Variants in GOLGB1 observed in about 807,000 individuals in gnomAD.
GOLGB1 encodes the protein golgin subfamily B member 1.
GOLGB1 carries 174 observed loss-of-function variants against 336.9 expected under a neutral mutation model. The ratio of observed to expected loss-of-function variants is 0.52; its 90% CI spans 0.46 to 0.59. The LOEUF is 0.59. GOLGB1 is among the 20% of genes least tolerant of loss of function. GOLGB1 has a pLI of 0.00. For missense variants in GOLGB1, 3,331 were observed against 3,645.3 expected, an observed-to-expected ratio of 0.91 and a Z score of 2.22; for synonymous variants, 1,208 against 1,289.2, an observed-to-expected ratio of 0.94 and a Z score of 1.35.
chr3:121,694,790 G>A lies in GOLGB1; in HGVS notation c.5733C>T (p.Ser1911=), dbSNP rs34833153. The A allele has an allele frequency of 0.07, 113,314 of 1,612,910 alleles. 4,524 individuals are homozygous for A. Among genetic ancestry groups the A allele is most frequent in the Middle Eastern group, 0.083 (503 of 6,062 alleles). ...LLNQQIQEEL[S]RVTKLKETAE... ...CTGTCTCCTTTAGTTTGGTAACTCT[G>A]GAGAGTTCTTCTTGGATTTGCTGAT... The change falls in exon 13 of 22, where the codon TCC becomes TCT. Residue 1911 remains serine, a synonymous_variant. Coordinates refer to ENST00000614479, the MANE Select transcript of GOLGB1 (RefSeq NM_001366282.2).
At chr3:121,717,196 C>CATTG in intron 8 of GOLGB1, 57 bp from the exon 9 acceptor site, 1 of 1,379,678 alleles carries the variant, frequency 7.2e-7, no homozygotes, top group Non-Finnish European at 9.9e-7. Context: ...TTTCAACAAG[C>CATTG]ATTGTAAAGT....
intron 1 of GOLGB1, among the ~76,000 whole-genome samples, chr3:121,733,025 T>C (rs1946220882): frequency 6.6e-6 from 1 of 152,158 alleles, no homozygotes; most frequent in Admixed American, 6.5e-5. Flanking sequence ...AAAGTCACTA[T>C]ATAAAAGTCA....
intron 9 of GOLGB1, among the ~76,000 whole-genome samples, chr3:121,716,104 A>T (rs1234734542): frequency 6.6e-6 from 1 of 152,214 alleles, no homozygotes; most frequent in Non-Finnish European, 1.5e-5. Context: ...TCAATATATT[A>T]GTAAAGGTTA....
intron 17 of GOLGB1, 55 bp from the exon 18 acceptor site, chr3:121,669,410 G>C: frequency 7.0e-7 from 1 of 1,419,698 alleles, no homozygotes; most frequent in East Asian, 2.4e-5. Flanking sequence ...CAGTGCTGAG[G>C]TGAAATGTTC....
At chr3:121,739,513 C>A (rs542418246) in intron 1 of GOLGB1, among the ~76,000 whole-genome samples, 1 of 151,214 alleles carries the variant, frequency 6.6e-6, no homozygotes, top group South Asian at 2.1e-4. Context: ...AAAGTGAAAA[C>A]AAGAAGTGAC....
At chr3:121,731,368 C>CTT (rs774044046) in intron 1 of GOLGB1, among the ~76,000 whole-genome samples, 8 of 143,620 alleles carry the variant, frequency 5.6e-5, no homozygotes, top group Non-Finnish European at 9.2e-5. Context: ...TTTTCTTTTT[C>CTT]TTTTTTTTTT....
At chr3:121,714,725 T>C (rs558374234) in intron 10 of GOLGB1, 136 bp downstream of exon 10, 1 of 653,958 alleles carries the variant, frequency 1.5e-6, no homozygotes, top group Admixed American at 2.9e-5. Flanking sequence ...AGAATTGTCC[T>C]CAAAAAAGTA....
rs183294846 is a variant in GOLGB1 at position 121,677,473 on chromosome 3, A to G, written c.8874-23T>C. 112 of 1,566,616 alleles carry G rather than the reference A, an allele frequency of 7.1e-5. 2 individuals carry two copies. In the Admixed American group the frequency reaches 8.0e-4, roughly 11 times the overall value. ...ATCCTAGAAAAAACATGACACAATC[A>G]CAGGTAAAAATATACTTGTAACTGG... On this transcript the variant is annotated intron_variant, in intron 15 of 21. Coordinates refer to ENST00000614479, the MANE Select transcript of GOLGB1 (RefSeq NM_001366282.2).
intron 3 of GOLGB1, 130 bp from the exon 4 acceptor site, chr3:121,729,470 G>C (rs1352576882): frequency 5.4e-6 from 4 of 735,218 alleles, no homozygotes; most frequent in Non-Finnish European, 8.8e-6. Flanking sequence ...CTGGAGTGCA[G>C]TGGCACAATC....
intron 4 of GOLGB1, among the ~76,000 whole-genome samples, chr3:121,727,287 C>CAAATATAT (rs1316465763): frequency 2.1e-5 from 1 of 47,630 alleles, no homozygotes; most frequent in African/African-American, 5.9e-5. Context: ...TACATACACA[C>CAAATATAT]ACACACATAT....
At chr3:121,685,100 CA>C (rs944291680) in intron 14 of GOLGB1, among the ~76,000 whole-genome samples, 8 of 152,164 alleles carry the variant, frequency 5.3e-5, no homozygotes, top group African/African-American at 1.4e-4. Context: ...CTGGGAAAAA[CA>C]GAAAGACTCA....
intron 14 of GOLGB1, among the ~76,000 whole-genome samples, chr3:121,688,467 C>G (rs1030963158): frequency 2.6e-5 from 4 of 152,266 alleles, no homozygotes; most frequent in Admixed American, 6.5e-5. Context: ...GGATTGCAGA[C>G]GGAGTCTGGT....
In GOLGB1 at chr3:121,716,532, T is replaced by C. The variant is rs531698610; in HGVS notation, c.1288+205A>G. On this transcript the variant is annotated intron_variant, in intron 9 of 21. Transcript: ENST00000614479. Reference sequence around the variant, plus strand: ...CATCACTATCACATTTTTAGTATTGTAATGATAATTATAATATTAAGAAAG... The same window carrying C: ...CATCACTATCACATTTTTAGTATTGCAATGATAATTATAATATTAAGAAAG... Among the ~76,000 whole-genome samples, 10 of 152,332 alleles carry C rather than the reference T, an allele frequency of 6.6e-5. No individual in the cohort carries two copies. The South Asian group carries it at 1.9e-3, about 28-fold the overall frequency.
chr3:121,709,711 AAAG>A (rs1358908624), intron 10 of GOLGB1, among the ~76,000 whole-genome samples: 1 of 152,194 alleles, frequency 6.6e-6, no homozygotes, highest in Non-Finnish European at 1.5e-5. Context: ...TCATATGAGA[AAAG>A]AAGACTTGAA....
chr3:121,682,386 A>G (rs913046587), intron 14 of GOLGB1, among the ~76,000 whole-genome samples: 3 of 152,128 alleles, frequency 2.0e-5, no homozygotes, highest in African/African-American at 7.2e-5. Context: ...CGTGTGACCC[A>G]ATGCATGTTC....
chr3:121,697,141 G>C lies in GOLGB1; in HGVS notation c.3382C>G (p.Gln1128Glu), dbSNP rs143633937. Residue 1128 changes from glutamine to glutamate, a missense_variant, in exon 13 of 22, where the codon CAG (glutamine) becomes GAG (glutamate). Coordinates refer to ENST00000614479, the MANE Select transcript of GOLGB1 (RefSeq NM_001366282.2). The stretch of plus-strand genomic sequence containing the variant: ...TCCGTGTTACTTGTGATTAACTTCT[G>C]GATAATTGCTTGGTTTTCACTGATT... ...AEISENQAII[Q>E]KLITSNTDAS... is the part of the protein sequence containing the mutation. 10 of 1,614,016 alleles carry C rather than the reference G, an allele frequency of 6.2e-6. No individual in the cohort carries two copies. The African/African-American group carries it at 1.3e-4, about 22-fold the overall frequency.
rs1399116792 is a variant in GOLGB1 at position 121,727,331 on chromosome 3, T to A, written c.403-290A>T. On this transcript the variant is annotated intron_variant, in intron 4 of 21. Transcript: ENST00000614479. ...ATATATATATATATATTTTTTTTTT[T>A]TTTTTTTTTTTTTTTTTCCCTCACA... Among the ~76,000 whole-genome samples the A allele has an allele frequency of 3.8e-3, 485 of 127,956 alleles. 2 individuals carry two copies. Among genetic ancestry groups the A allele is most frequent in the Non-Finnish European group, 6.3e-3 (381 of 60,092 alleles). 83.9% of individuals were successfully genotyped at this position (127,956 alleles called of 152,430 possible). A position where few individuals can be genotyped will look rare whatever the true frequency, so the allele number is the denominator to read the frequency against.
intron 10 of GOLGB1, among the ~76,000 whole-genome samples, chr3:121,710,127 T>G (rs988706619): frequency 6.6e-6 from 1 of 151,230 alleles, no homozygotes; most frequent in Admixed American, 6.6e-5. Flanking sequence ...AATCTTATTA[T>G]TAGCCTTATA....
At chr3:121,749,917 C>G (rs1329922144), upstream of GOLGB1, 1 of 152,472 alleles carries the variant, frequency 6.6e-6, no homozygotes, top group Non-Finnish European at 1.5e-5. Flanking sequence ...CCAATGGACC[C>G]TAAAGAGTGA....
Sources: gnomAD v4.1 joint callset for allele counts (sites outside exome capture counted in the v4.1 genomes callset) on GRCh38, gnomAD v4.1.1 for gene constraint, MANE v1.5 for transcripts, NCBI Gene and HGNC (gene_info 2026-07-23, HGNC 2026-07-21) for gene names.